Variants in CBFA2T3 observed in about 807,000 individuals in gnomAD.
CBFA2T3 encodes the protein CBFA2/RUNX1 partner transcriptional co-repressor 3.
Under a neutral mutation model 58.6 loss-of-function variants are expected in CBFA2T3, and 31 were observed. That is an observed-to-expected ratio of 0.53 (90% confidence interval 0.40 to 0.71). The LOEUF is 0.71. CBFA2T3 is among the 30% of genes least tolerant of loss of function. CBFA2T3 has a pLI of 0.00. For synonymous variants in CBFA2T3, 531 were observed against 421.9 expected (o/e 1.26, Z -3.17); for missense variants, 1,076 against 963.1 (o/e 1.12, Z -1.55).
intron 1 of CBFA2T3, among the ~76,000 whole-genome samples, chr16:88,976,091 T>C (rs1467981814): frequency 6.6e-6 from 1 of 152,084 alleles, no homozygotes; most frequent in Admixed American, 6.5e-5. Context: ...ACTGGACCCC[T>C]CCCCAGAGCC....
Position 88,901,587 on chromosome 16 carries a change from C to A in CBFA2T3, c.221G>T (p.Arg74Leu), listed in dbSNP as rs150762076. Reference protein sequence around the residue: ...DSPAEVKTQPRSTPPSMPPPP... With the variant: ...DSPAEVKTQPLSTPPSMPPPP... Reference sequence around the variant, plus strand: ...GGGCGGCATGCTGGGGGGTGTGGACCGGGGCTGCGTCTTCACCTCCGCTGG... The same window carrying A: ...GGGCGGCATGCTGGGGGGTGTGGACAGGGGCTGCGTCTTCACCTCCGCTGG... Residue 74 changes from arginine to leucine, a missense_variant, in exon 2 of 12, where the codon CGG becomes CTG. Arg to Leu is a moderately radical substitution (Grantham distance 102). Transcript: ENST00000268679. 5 of 1,512,962 alleles carry A rather than the reference C, an allele frequency of 3.3e-6. No individual in the cohort carries two copies. Among genetic ancestry groups the A allele is most frequent in the South Asian group, 1.3e-5 (1 of 74,632 alleles). 93.7% of individuals were successfully genotyped at this position (1,512,962 alleles called of 1,614,324 possible). A position where few individuals can be genotyped will look rare whatever the true frequency, so the allele number is the denominator to read the frequency against.
chr16:88,940,428 G>C (rs558729196), intron 1 of CBFA2T3: 1 of 153,206 alleles, frequency 6.5e-6, no homozygotes, highest in Admixed American at 6.5e-5. Flanking sequence ...AGCCTGGCTC[G>C]GGGCCTGCCC....
At chr16:88,923,144 C>G (rs919892958) in intron 1 of CBFA2T3, among the ~76,000 whole-genome samples, 6 of 152,228 alleles carry the variant, frequency 3.9e-5, no homozygotes, top group African/African-American at 1.4e-4. Context: ...TTGTGATGTG[C>G]TGAGATGGCA....
At chr16:88,903,813 G>A (rs1970197617) in intron 1 of CBFA2T3, among the ~76,000 whole-genome samples, 1 of 152,196 alleles carries the variant, frequency 6.6e-6, no homozygotes, top group Non-Finnish European at 1.5e-5. Flanking sequence ...ACGCCAGGCT[G>A]GCTCGGGGGA....
At chr16:88,970,265 C>A (rs1432164969) in intron 1 of CBFA2T3, among the ~76,000 whole-genome samples, 2 of 152,144 alleles carry the variant, frequency 1.3e-5, no homozygotes, top group Non-Finnish European at 2.9e-5. Context: ...CAGGGGTCGG[C>A]GACGCGGGTG....
At chr16:88,960,038 T>TAATAAATTAAAATAAATA (rs1972320941) in intron 1 of CBFA2T3, among the ~76,000 whole-genome samples, 1 of 149,688 alleles carries the variant, frequency 6.7e-6, no homozygotes, top group African/African-American at 2.6e-5. Flanking sequence ...AAAATAATAA[T>TAATAAATTAAAATAAATA]AATAAATTAA....
At chr16:88,893,954 G>A (rs116235350) in intron 3 of CBFA2T3, among the ~76,000 whole-genome samples, 1 of 152,288 alleles carries the variant, frequency 6.6e-6, no homozygotes, top group Non-Finnish European at 1.5e-5. Context: ...TGACAGGGGA[G>A]GGGGACTGGA....
intron 1 of CBFA2T3, among the ~76,000 whole-genome samples, chr16:88,975,445 C>T (rs530411967): frequency 2.0e-5 from 3 of 152,332 alleles, no homozygotes; most frequent in South Asian, 4.1e-4. Flanking sequence ...TGCTCTCACG[C>T]GGGGAGCAGG....
rs1427879854 is a variant in CBFA2T3, at chr16:88,952,916, TCGAGACGGCA to T, written c.151+23731_151+23740del. On this transcript the variant is annotated intron_variant, in intron 1 of 11. Coordinates refer to ENST00000268679, the MANE Select transcript of CBFA2T3 (RefSeq NM_005187.6). The stretch of plus-strand genomic sequence containing the variant: ...CCAGGACCCCCACGCAGGGCCTGTG[TCGAGACGGCA>T]TGTCCAGGACCCCCACGCAGGGCCT... Among the ~76,000 whole-genome samples, 10 of 53,450 alleles carry T rather than the reference TCGAGACGGCA, an allele frequency of 1.9e-4. 1 individual carries two copies. The highest frequency in any genetic ancestry group is 1.3e-3 in the East Asian group (1 of 770). 35.1% of individuals were successfully genotyped at this position (53,450 alleles called of 152,430 possible). A position where few individuals can be genotyped will look rare whatever the true frequency, so the allele number is the denominator to read the frequency against.
intron 1 of CBFA2T3, among the ~76,000 whole-genome samples, chr16:88,971,681 C>G (rs982039355): frequency 6.6e-6 from 1 of 152,250 alleles, no homozygotes; most frequent in African/African-American, 2.4e-5. Flanking sequence ...CAGCTCCCAG[C>G]TGGAGTTCCT....
At chr16:88,928,527 C>T (rs996305867) in intron 1 of CBFA2T3, among the ~76,000 whole-genome samples, 1 of 152,200 alleles carries the variant, frequency 6.6e-6, no homozygotes, top group Admixed American at 6.5e-5. Flanking sequence ...GCAGCCCAGC[C>T]GCTGTGCAAA....
In CBFA2T3 at chr16:88,928,050, C is replaced by T. The variant is rs1319434265; in HGVS notation, c.152-26394G>A. ...CTGCTGACCGAGCCCCTGGCACCCC[C>T]AAGCCGAGCCTTTGAACCCCAGCAG... On this transcript the variant is annotated intron_variant, in intron 1 of 11. Coordinates refer to ENST00000268679, the MANE Select transcript of CBFA2T3 (RefSeq NM_005187.6). Among the ~76,000 whole-genome samples, 4 of 152,312 alleles carry T rather than the reference C, an allele frequency of 2.6e-5. No homozygotes were observed. In the South Asian group the frequency reaches 6.2e-4, roughly 24 times the overall value.
chr16:88,975,334 G>A lies in CBFA2T3; in HGVS notation c.151+1323C>T, dbSNP rs567885643. Reference sequence around the variant, plus strand: ...CCTCTTGGCCCTAACCTCCTTCCACGGTAGACACCCCCGTCCTTCCACAGT... The same window carrying A: ...CCTCTTGGCCCTAACCTCCTTCCACAGTAGACACCCCCGTCCTTCCACAGT... On this transcript the variant is annotated intron_variant, in intron 1 of 11. Coordinates refer to ENST00000268679, the MANE Select transcript of CBFA2T3 (RefSeq NM_005187.6). Among the ~76,000 whole-genome samples, 16 of 149,936 alleles carry A rather than the reference G, an allele frequency of 1.1e-4. No individual in the cohort carries two copies. In the South Asian group the frequency reaches 2.1e-3, roughly 20 times the overall value.
At chr16:88,947,168 AC>A (rs1287111677) in intron 1 of CBFA2T3, among the ~76,000 whole-genome samples, 1 of 152,050 alleles carries the variant, frequency 6.6e-6, no homozygotes, top group South Asian at 2.1e-4. Context: ...CAATGTAGGG[AC>A]CCCCCACTAG....
At chr16:88,922,152 GT>G (rs1453309849) in intron 1 of CBFA2T3, among the ~76,000 whole-genome samples, 1 of 152,240 alleles carries the variant, frequency 6.6e-6, no homozygotes, top group African/African-American at 2.4e-5. Context: ...TTGGGTGGGG[GT>G]ACTTCCGGTC....
intron 1 of CBFA2T3, among the ~76,000 whole-genome samples, chr16:88,952,060 C>T (rs1972087609): frequency 6.6e-6 from 1 of 152,226 alleles, no homozygotes; most frequent in Non-Finnish European, 1.5e-5. Context: ...CCCAGCAGCC[C>T]CAGGAGCCTG....
intron 5 of CBFA2T3, among the ~76,000 whole-genome samples, chr16:88,887,386 G>A (rs1344274808): frequency 6.6e-6 from 1 of 152,144 alleles, no homozygotes; most frequent in Non-Finnish European, 1.5e-5. Flanking sequence ...CCTCCTCTTG[G>A]TCAGTTCGGG....
Position 88,885,071 on chromosome 16 carries a change from C to T in CBFA2T3, c.1092G>A (p.Glu364=), listed in dbSNP as rs577033414. The change falls in exon 7 of 12, where the codon GAG becomes GAA. Residue 364 remains glutamate, a synonymous_variant. Coordinates refer to ENST00000268679, the MANE Select transcript of CBFA2T3 (RefSeq NM_005187.6). This position sits in a 1 kb window ranked among gnomAD's most constrained non-coding sequence, Gnocchi z 5.3. ...CAAGCGGCCGATGGCGCTCTCGTAGCTCCCGGGGGTCTGGGTGGCGGTAGG... is the reference window on the plus strand; with the variant it reads ...CAAGCGGCCGATGGCGCTCTCGTAGTTCCCGGGGGTCTGGGTGGCGGTAGG... ...RDAYRHPDPR[E]LRERHRPLVV... is the part of the protein sequence containing the mutation. The T allele has an allele frequency of 9.4e-6, 15 of 1,601,142 alleles. No individual in the cohort carries two copies. In the East Asian group the frequency reaches 3.4e-4, roughly 36 times the overall value.
chr16:88,912,119 G>A (rs1236208960), intron 1 of CBFA2T3, among the ~76,000 whole-genome samples: 2 of 152,256 alleles, frequency 1.3e-5, no homozygotes, highest in East Asian at 1.9e-4. Flanking sequence ...TGCACAGGCC[G>A]GCCTCTGCCT....
Sources: gnomAD v4.1 joint callset for allele counts (sites outside exome capture counted in the v4.1 genomes callset) on GRCh38, gnomAD v4.1.1 for gene constraint, Gnocchi (gnomAD v3.1) non-coding constraint, MANE v1.5 for transcripts, NCBI Gene and HGNC (gene_info 2026-07-23, HGNC 2026-07-21) for gene names.